ARIH1: variants seen among roughly 807,000 people sequenced by gnomAD.
The protein encoded by ARIH1 is E3 ubiquitin-protein ligase ARIH1.
A neutral mutation model predicts 85.0 loss-of-function variants in ARIH1; 8 were observed. That is an observed-to-expected ratio of 0.09 (90% CI 0.06 to 0.17). ARIH1 has a LOEUF of 0.17. ARIH1 is among the 10% of genes least tolerant of loss of function. The pLI, the probability that ARIH1 is intolerant of heterozygous loss-of-function variation, is 1.00. For synonymous variants in ARIH1, 238 were observed against 253.6 expected (o/e 0.94, Z 0.59); for missense variants, 311 against 718.1 (o/e 0.43, Z 6.48).
chr15:72,555,717 CT>C (rs2064171983), intron 4 of ARIH1, 134 bp from the exon 5 acceptor site: 2 of 745,484 alleles, frequency 2.7e-6, no homozygotes, highest in Non-Finnish European at 4.5e-6. Context: ...CACACATTTC[CT>C]TTAAGGAGAA....
chr15:72,558,395 G>A (rs761888006), intron 5 of ARIH1, among the ~76,000 whole-genome samples: 3 of 152,190 alleles, frequency 2.0e-5, no homozygotes, highest in Non-Finnish European at 2.9e-5. Context: ...TCTGCCTCCC[G>A]GGTTCAAGCA....
intron 1 of ARIH1, among the ~76,000 whole-genome samples, chr15:72,487,594 A>C (rs987408596): frequency 3.9e-5 from 6 of 151,908 alleles, no homozygotes; most frequent in African/African-American, 1.5e-4. Context: ...TTATCTGAGA[A>C]CCATTCTTGG....
At chr15:72,553,400 T>C (rs1178999261) in intron 3 of ARIH1, among the ~76,000 whole-genome samples, 2 of 152,222 alleles carry the variant, frequency 1.3e-5, no homozygotes, top group Non-Finnish European at 2.9e-5. Context: ...AACAGGTTTA[T>C]TGAGATATAA....
chr15:72,542,528 T>A (rs2064111746), intron 2 of ARIH1, among the ~76,000 whole-genome samples: 1 of 152,238 alleles, frequency 6.6e-6, no homozygotes. Flanking sequence ...CACATTTAAA[T>A]GTCCTTCAGA....
chr15:72,515,193 C>T (rs774339006), intron 1 of ARIH1, among the ~76,000 whole-genome samples: 7 of 151,904 alleles, frequency 4.6e-5, no homozygotes, highest in East Asian at 1.9e-4. Flanking sequence ...AAAAATTAGA[C>T]GGGCATGGTG....
At chr15:72,543,090 G>A (rs1204159694) in intron 2 of ARIH1, among the ~76,000 whole-genome samples, 3 of 150,902 alleles carry the variant, frequency 2.0e-5, no homozygotes, top group Admixed American at 6.6e-5. Context: ...CTGCCACCGC[G>A]CCCAGCTAAT....
chr15:72,582,048 C>T lies in ARIH1; in HGVS notation c.1477-27C>T. 6.6e-7 allele frequency: 1 copy of T among 1,524,398 alleles called. No homozygotes were observed. 94.4% of individuals were successfully genotyped at this position (1,524,398 alleles called of 1,614,324 possible). ...TTATCTTTTAGCTTTATTTTGAAGCCAAAATTTACTTTCATTCTTCTTACA... is the reference window on the plus strand; with the variant it reads ...TTATCTTTTAGCTTTATTTTGAAGCTAAAATTTACTTTCATTCTTCTTACA... On this transcript the variant is annotated intron_variant, in intron 12 of 13. Coordinates refer to ENST00000379887, the MANE Select transcript of ARIH1 (RefSeq NM_005744.5). This position sits in a 1 kb window ranked among gnomAD's most constrained non-coding sequence, Gnocchi z 4.6.
At position 72,601,916 on chromosome 15, in the gene ARIH1, A is replaced by G. The variant is rs1228018333; in HGVS notation, c.*18624A>G. 1.3e-5 allele frequency: 2 copies of G among 152,232 alleles called. No homozygotes were observed. The highest frequency in any genetic ancestry group is 2.9e-5 in the Non-Finnish European group (2 of 68,046). 9.4% of individuals were successfully genotyped at this position (152,232 alleles called of 1,614,324 possible). On this transcript the variant is annotated 3_prime_UTR_variant, in exon 14 of 14. Transcript: ENST00000379887. Reference sequence around the variant, plus strand: ...TCTAAGTATACAAGCAATTATGTATATAATATTCCTCTTTATTTTTGCCTT... The same window carrying G: ...TCTAAGTATACAAGCAATTATGTATGTAATATTCCTCTTTATTTTTGCCTT...
chr15:72,507,122 A>G (rs943305567), intron 1 of ARIH1, among the ~76,000 whole-genome samples: 1 of 152,102 alleles, frequency 6.6e-6, no homozygotes, highest in African/African-American at 2.4e-5. Flanking sequence ...TCCTGGGTTC[A>G]AGTGTTTCTC....
chr15:72,517,621 G>T (rs1214741437), intron 1 of ARIH1, among the ~76,000 whole-genome samples: 1 of 151,900 alleles, frequency 6.6e-6, no homozygotes, highest in Admixed American at 6.6e-5. Context: ...GACGGGTTTT[G>T]CCTTGTTGCC....
chr15:72,546,581 C>G (rs1377977238), intron 3 of ARIH1, among the ~76,000 whole-genome samples: 1 of 152,054 alleles, frequency 6.6e-6, no homozygotes, highest in Non-Finnish European at 1.5e-5. Flanking sequence ...CTCCTGGGCT[C>G]AAGCGATCCT....
Position 72,474,512 on chromosome 15 carries a change from C to G in ARIH1, c.-128C>G. On this transcript the variant is annotated 5_prime_UTR_variant, in exon 1 of 14. Transcript: ENST00000379887. ...AACCGCCGCTCCTGGGGAGGAGCCG[C>G]GGCTCGCGGGGCCGGAGCCAGGCCT... The G allele has an allele frequency of 8.1e-7, 1 of 1,239,030 alleles. No individual in the cohort carries two copies. The highest frequency in any genetic ancestry group is 1.6e-5 in the South Asian group (1 of 62,504). 76.8% of individuals were successfully genotyped at this position (1,239,030 alleles called of 1,614,324 possible). A position where few individuals can be genotyped will look rare whatever the true frequency, so the allele number is the denominator to read the frequency against.
chr15:72,568,344 A>G (rs2064229906), intron 9 of ARIH1, among the ~76,000 whole-genome samples: 1 of 152,204 alleles, frequency 6.6e-6, no homozygotes, highest in African/African-American at 2.4e-5. Context: ...ATTCTTTAAT[A>G]TGCTCTGAAA....
At position 72,546,906 on chromosome 15, in the gene ARIH1, C is replaced by A. The variant is rs1038472735; in HGVS notation, c.588+1942C>A. On this transcript the variant is annotated intron_variant, in intron 3 of 13. Transcript: ENST00000379887. ...CGCTCCTCCAGTTTTGGTTTCTTCT[C>A]CTTTTCTTTTCTTTTCTTTTTTTTT... 2.2e-5 allele frequency among the ~76,000 whole-genome samples: 3 copies of A among 134,628 alleles called. No individual in the cohort carries two copies. The East Asian group carries it at 6.6e-4, about 30-fold the overall frequency. 88.3% of individuals were successfully genotyped at this position (134,628 alleles called of 152,430 possible). A position where few individuals can be genotyped will look rare whatever the true frequency, so the allele number is the denominator to read the frequency against.
chr15:72,523,984 T>C lies in ARIH1; in HGVS notation c.443+5850T>C, dbSNP rs144972029. ...TTTTTTGAGATGGAGTCTCGCTCTT[T>C]TGCCCAGGCTGGAGTGCAGTGGCGC... On this transcript the variant is annotated intron_variant, in intron 2 of 13. Transcript: ENST00000379887. 1.4e-3 allele frequency among the ~76,000 whole-genome samples: 202 copies of C among 148,758 alleles called. 1 individual carries two copies. Among genetic ancestry groups the C allele is most frequent in the African/African-American group, 4.5e-3 (180 of 40,062 alleles).
chr15:72,501,781 G>A (rs2063905124), intron 1 of ARIH1, among the ~76,000 whole-genome samples: 1 of 152,182 alleles, frequency 6.6e-6, no homozygotes, highest in Admixed American at 6.5e-5. Context: ...AGTAGCATGA[G>A]GTGGTCTATA....
At chr15:72,534,285 G>A (rs939798096) in intron 2 of ARIH1, among the ~76,000 whole-genome samples, 2 of 151,882 alleles carry the variant, frequency 1.3e-5, no homozygotes, top group African/African-American at 4.8e-5. Flanking sequence ...TGCATATTTA[G>A]GTGTAATTAT....
At chr15:72,552,117 A>G (rs776203424) in intron 3 of ARIH1, among the ~76,000 whole-genome samples, 15 of 152,168 alleles carry the variant, frequency 9.9e-5, no homozygotes, top group Non-Finnish European at 1.6e-4. Flanking sequence ...GATTTGTCCT[A>G]AGATACATTC....
chr15:72,583,489 G>T lies in ARIH1; in HGVS notation c.*197G>T. 1 of 476,654 alleles carries T rather than the reference G, an allele frequency of 2.1e-6. No homozygotes were observed. The highest frequency in any genetic ancestry group is 3.7e-6 in the Non-Finnish European group (1 of 269,032). The allele number at this position is 476,654 out of a possible 1,614,324, so 29.5% of individuals were successfully genotyped here. ...AAGGTAGATAAACCATTGTACAACAGTATTCTAGGCCACCAACAAAAGTGT... is the reference window on the plus strand; with the variant it reads ...AAGGTAGATAAACCATTGTACAACATTATTCTAGGCCACCAACAAAAGTGT... On this transcript the variant is annotated 3_prime_UTR_variant, in exon 14 of 14. Transcript: ENST00000379887.
Sources: allele counts gnomAD v4.1 joint callset (sites outside exome capture counted in the v4.1 genomes callset), GRCh38; gene constraint gnomAD v4.1.1; non-coding constraint Gnocchi (gnomAD v3.1); transcripts MANE v1.5; gene names NCBI Gene and HGNC (gene_info 2026-07-23, HGNC 2026-07-21).